MERTK: variants seen among roughly 807,000 people sequenced by gnomAD.
MERTK encodes the protein tyrosine-protein kinase Mer.
In MERTK, 69 loss-of-function variants were observed where a neutral mutation model predicts 99.3. The observed-to-expected ratio is 0.70, with a 90% CI of 0.57 to 0.85. The LOEUF (loss-of-function observed/expected upper bound fraction) is 0.85, where lower values mean the gene tolerates loss of function less well. MERTK is among the 40% of genes least tolerant of loss of function. The probability of loss-of-function intolerance (pLI) is 0.00; values close to 1 mark genes in which losing one functional copy is unlikely to be tolerated. For missense variants in MERTK, 1,125 were observed against 1,249.4 expected, an observed-to-expected ratio of 0.90 and a Z score of 1.50; for synonymous variants, 426 against 467.6, an observed-to-expected ratio of 0.91 and a Z score of 1.15.
intron 3 of MERTK, 125 bp from the exon 4 acceptor site, chr2:111,947,269 T>TGC: frequency 1.6e-5 from 10 of 635,396 alleles, no homozygotes; most frequent in African/African-American, 3.8e-5. Context: ...CAAGACTCCA[T>TGC]CCCCACCCGC....
At chr2:111,936,764 C>G in intron 2 of MERTK, among the ~76,000 whole-genome samples, 1 of 152,076 alleles carries the variant, frequency 6.6e-6, no homozygotes, top group East Asian at 1.9e-4. Flanking sequence ...AATATCAGCT[C>G]GAAACTAGCA....
chr2:111,915,114 G>A (rs1684327065), intron 1 of MERTK, among the ~76,000 whole-genome samples: 1 of 152,152 alleles, frequency 6.6e-6, no homozygotes, highest in African/African-American at 2.4e-5. Flanking sequence ...GGGGTACATT[G>A]TGATAGTTTA....
rs1007621513 is a variant in MERTK, at chr2:111,965,217, T to G, written c.784T>G (p.Cys262Gly). 2 of 1,614,100 alleles carry G rather than the reference T, an allele frequency of 1.2e-6. No individual in the cohort carries two copies. Among genetic ancestry groups the G allele is most frequent in the African/African-American group, 1.3e-5 (1 of 74,928 alleles). ...PGLTEMAVFS[C>G]EAHNDKGLTV... ...CCTGACGGAGATGGCGGTCTTCAGT[T>G]GTGAGGCCCACAATGACAAAGGGCT... The change falls in exon 5 of 19, where the codon TGT becomes GGT. Residue 262 changes from cysteine (C) to glycine (G), a missense_variant. Transcript: ENST00000295408.
At chr2:111,918,714 T>A (rs1684400613) in intron 1 of MERTK, among the ~76,000 whole-genome samples, 1 of 152,260 alleles carries the variant, frequency 6.6e-6, no homozygotes, top group East Asian at 1.9e-4. Context: ...AGTTGCACCT[T>A]TGAAACAAGA....
At chr2:111,983,442 T>G (rs959228066) in intron 8 of MERTK, among the ~76,000 whole-genome samples, 6 of 152,236 alleles carry the variant, frequency 3.9e-5, no homozygotes, top group Non-Finnish European at 7.3e-5. Context: ...AACCTCATCC[T>G]CATAGAGAAT....
At chr2:112,005,749 A>G (rs1001049013) in intron 13 of MERTK, among the ~76,000 whole-genome samples, 30 of 152,172 alleles carry the variant, frequency 2.0e-4, no homozygotes, top group Admixed American at 7.9e-4. Flanking sequence ...TACCTATTCA[A>G]TACTATTTTT....
rs779989251 is a variant in MERTK, at chr2:111,906,746, TA to T, written c.61+7958del. 8.5e-5 allele frequency among the ~76,000 whole-genome samples: 13 copies of T among 152,122 alleles called. 1 individual carries two copies. The highest frequency in any genetic ancestry group is 3.1e-4 in the African/African-American group (13 of 41,528). On this transcript the variant is annotated intron_variant, in intron 1 of 18. Coordinates refer to ENST00000295408, the MANE Select transcript of MERTK (RefSeq NM_006343.3). ...TGTTCTTTGAAAGTTTTGGAGCAAA[TA>T]AAAAAAAGAAGCTTTTTAGATTCAC...
chr2:111,993,139 TG>T (rs398104618), intron 8 of MERTK, among the ~76,000 whole-genome samples: 1,640 of 26,174 alleles, frequency 0.063, 10 homozygotes, highest in Non-Finnish European at 0.097. Flanking sequence ...TTGACTATTG[TG>T]GTGTGGGAGC....
chr2:111,927,170 A>G lies in MERTK; in HGVS notation c.62-1950A>G, dbSNP rs1209318240. ...GAAAATCTCTTCTCTTCTATCTGGC[A>G]TTGATCCTGACTCACTAAGGAGGCA... On this transcript the variant is annotated intron_variant, in intron 1 of 18. Coordinates refer to ENST00000295408, the MANE Select transcript of MERTK (RefSeq NM_006343.3). Among the ~76,000 whole-genome samples the G allele has an allele frequency of 2.6e-5, 4 of 152,208 alleles. No individual in the cohort carries two copies. The South Asian group carries it at 8.3e-4, about 31-fold the overall frequency.
At chr2:111,902,630 C>T (rs138794432) in intron 1 of MERTK, among the ~76,000 whole-genome samples, 3 of 152,094 alleles carry the variant, frequency 2.0e-5, no homozygotes, top group Non-Finnish European at 4.4e-5. Flanking sequence ...GGCTTCTTCT[C>T]ATCCTTTGGG....
chr2:111,959,499 TTGTG>T (rs539880687), intron 4 of MERTK, among the ~76,000 whole-genome samples: 36 of 152,116 alleles, frequency 2.4e-4, no homozygotes, highest in Admixed American at 1.7e-3. Context: ...TTGTTTGTTT[TTGTG>T]TGTGTGTGAC....
At chr2:111,960,026 A>G (rs1302650145) in intron 4 of MERTK, among the ~76,000 whole-genome samples, 3 of 152,220 alleles carry the variant, frequency 2.0e-5, no homozygotes, top group Non-Finnish European at 4.4e-5. Flanking sequence ...TGAGATAATG[A>G]GAATTAAAAG....
At position 112,028,979 on chromosome 2, in the gene MERTK, C is replaced by G; in HGVS notation, c.*115C>G. The stretch of plus-strand genomic sequence containing the variant: ...TCCTTACCAAGTGAACTCCATGGCC[C>G]CAAAGCACCAGATGAATGTTGTTAA... On this transcript the variant is annotated 3_prime_UTR_variant, in exon 19 of 19. Coordinates refer to ENST00000295408, the MANE Select transcript of MERTK (RefSeq NM_006343.3). The G allele has an allele frequency of 3.2e-6, 5 of 1,586,608 alleles. No individual in the cohort carries two copies. In the Admixed American group the frequency reaches 9.0e-5, roughly 28 times the overall value.
In MERTK at chr2:111,913,116, A is replaced by G. The variant is rs769207244; in HGVS notation, c.61+14320A>G. Reference sequence around the variant, plus strand: ...CTTTGCTTTTTACCCAGTAGAAGATATTGAACATAGATTTGTAACATTGCT... The same window carrying G: ...CTTTGCTTTTTACCCAGTAGAAGATGTTGAACATAGATTTGTAACATTGCT... On this transcript the variant is annotated intron_variant, in intron 1 of 18. Coordinates refer to ENST00000295408, the MANE Select transcript of MERTK (RefSeq NM_006343.3). 36 of 976,114 alleles carry G rather than the reference A, an allele frequency of 3.7e-5. 1 individual carries two copies. Among genetic ancestry groups the G allele is most frequent in the Non-Finnish European group, 3.7e-6 (3 of 821,510 alleles). The allele number at this position is 976,114 out of a possible 1,614,324, so 60.5% of individuals were successfully genotyped here. A position where few individuals can be genotyped will look rare whatever the true frequency, so the allele number is the denominator to read the frequency against.
rs776309058 is a variant in MERTK at position 112,021,552 on chromosome 2, G to C, written c.2320G>C (p.Asp774His). 16 of 1,560,916 alleles carry C rather than the reference G, an allele frequency of 1.0e-5. No homozygotes were observed. The Admixed American group carries it at 2.8e-4, about 28-fold the overall frequency. The change falls in exon 17 of 19, where the codon GAC becomes CAC. Residue 774 changes from aspartate (D) to histidine (H), a missense_variant. Physicochemically the swap from Asp to His is moderately conservative, Grantham distance 81. Transcript: ENST00000295408. ...VKWIAIESLA[D>H]RVYTSKSDVW... The stretch of plus-strand genomic sequence containing the variant: ...ATGGATCGCCATAGAAAGTCTTGCA[G>C]ACCGAGTCTACACAAGTAAAAGTGA...
chr2:111,978,884 A>C (rs1676310961), intron 7 of MERTK, among the ~76,000 whole-genome samples: 1 of 152,160 alleles, frequency 6.6e-6, no homozygotes, highest in Non-Finnish European at 1.5e-5. Flanking sequence ...TCTTGCTTTT[A>C]AGATTTATTA....
rs908842019 is a variant in MERTK at position 112,029,013 on chromosome 2, T to C, written c.*149T>C. ...CAGATGAATGTTGTTAAGTAAGCTG[T>C]CATTAAAAATACATAATATATATTT... On this transcript the variant is annotated 3_prime_UTR_variant, in exon 19 of 19. Coordinates refer to ENST00000295408, the MANE Select transcript of MERTK (RefSeq NM_006343.3). 3 of 1,501,252 alleles carry C rather than the reference T, an allele frequency of 2.0e-6. No individual in the cohort carries two copies. Among genetic ancestry groups the C allele is most frequent in the South Asian group, 2.7e-5 (2 of 75,416 alleles). 93.0% of individuals were successfully genotyped at this position (1,501,252 alleles called of 1,614,324 possible).
At chr2:111,901,559 C>CTTTTTT (rs11459119) in intron 1 of MERTK, among the ~76,000 whole-genome samples, 5 of 131,198 alleles carry the variant, frequency 3.8e-5, no homozygotes, top group African/African-American at 8.6e-5. Context: ...TTCTTTCTTT[C>CTTTTTT]TTTTTTTTTT....
intron 4 of MERTK, among the ~76,000 whole-genome samples, chr2:111,963,433 C>T (rs1179959627): frequency 6.6e-6 from 1 of 152,202 alleles, no homozygotes; most frequent in Non-Finnish European, 1.5e-5. Flanking sequence ...TCCCTTCCCA[C>T]GAGGCCATAT....
Sources: gnomAD v4.1 joint callset for allele counts (sites outside exome capture counted in the v4.1 genomes callset) on GRCh38, gnomAD v4.1.1 for gene constraint, MANE v1.5 for transcripts, NCBI Gene and HGNC (gene_info 2026-07-23, HGNC 2026-07-21) for gene names.